The following NAF1 variants were observed in gnomAD, a reference collection of about 807,000 sequenced individuals.
The protein encoded by NAF1 is nuclear assembly factor 1 ribonucleoprotein, also known as H/ACA ribonucleoprotein complex non-core subunit NAF1.
A neutral mutation model predicts 40.6 loss-of-function variants in NAF1; 11 were observed. The observed-to-expected ratio is 0.27, with a 90% CI of 0.17 to 0.45. The LOEUF (loss-of-function observed/expected upper bound fraction) is 0.45, where lower values mean the gene tolerates loss of function less well. Among genes scored for constraint, NAF1 ranks in the 20% least tolerant of loss-of-function variants. The pLI, the probability that NAF1 is intolerant of heterozygous loss-of-function variation, is 1.00. For missense variants in NAF1, 607 were observed against 611.1 expected (o/e 0.99, Z 0.07); for synonymous variants, 260 against 228.5 (o/e 1.14, Z -1.24).
In NAF1 at chr4:163,129,236, G is replaced by T; in HGVS notation, c.1146C>A (p.Tyr382Ter). The change falls in exon 8 of 8, where the codon TAC (tyrosine) becomes TAA (stop). Residue 382 changes from tyrosine (Y) to a stop codon, truncating the protein, a stop_gained. Coordinates refer to ENST00000274054, the MANE Select transcript of NAF1 (RefSeq NM_138386.3). LOFTEE classifies it low-confidence loss of function (END_TRUNC). ...EFTRGFSRAR[Y>*]PRSCHGRPPP... ...GAGGCCTGCCATGGCAAGATCGAGG[G>T]TATCTGGCCCTGGAAAATCCTCGTG... The T allele has an allele frequency of 2.5e-6, 4 of 1,613,848 alleles. No individual in the cohort carries two copies. The highest frequency in any genetic ancestry group is 2.5e-6 in the Non-Finnish European group (3 of 1,179,770).
At chr4:163,149,914 G>A (rs1731628713) in intron 2 of NAF1, among the ~76,000 whole-genome samples, 1 of 152,088 alleles carries the variant, frequency 6.6e-6, no homozygotes, top group Non-Finnish European at 1.5e-5. Flanking sequence ...ATTTCAGAGG[G>A]CAATTGTGAG....
chr4:163,118,804 C>T (rs143472965), intron 2 of NAF1, among the ~76,000 whole-genome samples: 7 of 151,934 alleles, frequency 4.6e-5, no homozygotes, highest in South Asian at 2.1e-4. Context: ...GCATTTGTAA[C>T]GGTCATTGCT....
chr4:163,148,426 A>G lies in NAF1; in HGVS notation c.549T>C (p.Pro183=), dbSNP rs1398032517. The G allele has an allele frequency of 6.4e-7, 1 of 1,572,450 alleles. No homozygotes were observed. Among genetic ancestry groups the G allele is most frequent in the East Asian group, 2.3e-5 (1 of 43,754 alleles). ...GAATAATAGTGAGTTCTTCAACAGA[A>G]GGCAGTTCCTATAATTTAAAACAAA... is the stretch of plus-strand genomic sequence containing the variant. ...TKDELLLNEL[P]SVEELTIILP... Residue 183 remains proline, a synonymous_variant, in exon 3 of 8, where the codon CCT becomes CCC. Transcript: ENST00000274054.
At chr4:163,156,663 C>T (rs897120448) in intron 2 of NAF1, among the ~76,000 whole-genome samples, 1 of 152,074 alleles carries the variant, frequency 6.6e-6, no homozygotes, top group Non-Finnish European at 1.5e-5. Context: ...AACATATTCC[C>T]AGGCATTAAC....
intron 2 of NAF1, among the ~76,000 whole-genome samples, chr4:163,111,407 GTTC>G (rs1730155506): frequency 6.6e-6 from 1 of 152,036 alleles, no homozygotes; most frequent in African/African-American, 2.4e-5. Context: ...AATCCTTATT[GTTC>G]TTCTATTTTG....
chr4:163,111,900 C>T (rs567025968), intron 2 of NAF1, among the ~76,000 whole-genome samples: 4 of 152,134 alleles, frequency 2.6e-5, no homozygotes, highest in South Asian at 2.1e-4. Context: ...TTATCAATCA[C>T]GCAAAAAACG....
rs117437801 is a variant in NAF1, at chr4:163,136,997, C to A, written c.930+202G>T. On this transcript the variant is annotated intron_variant, in intron 6 of 7. Transcript: ENST00000274054. ...AATGTAACTGAAAAAAGTTTTTTTC[C>A]TAAATGATCAATCAAAACCTTTCAC... Among the ~76,000 whole-genome samples, 495 of 152,032 alleles carry A rather than the reference C, an allele frequency of 3.3e-3. 12 individuals carry two copies. In the East Asian group the frequency reaches 0.06, roughly 18 times the overall value.
chr4:163,157,117 A>G (rs969477507), intron 2 of NAF1: 19 of 152,116 alleles, frequency 1.2e-4, no homozygotes, highest in South Asian at 4.1e-4. Context: ...ACTAAAATTC[A>G]ACATACTAAA....
chr4:163,162,206 T>C (rs1579191615), intron 2 of NAF1, among the ~76,000 whole-genome samples: 2 of 152,186 alleles, frequency 1.3e-5, no homozygotes, highest in Non-Finnish European at 2.9e-5. Flanking sequence ...GGCAGACTCC[T>C]AAACACACTA....
intron 2 of NAF1, among the ~76,000 whole-genome samples, chr4:163,160,686 T>C (rs1245756971): frequency 6.6e-6 from 1 of 152,110 alleles, no homozygotes; most frequent in Non-Finnish European, 1.5e-5. Context: ...TGGTTGGACA[T>C]AAAATTGGGT....
At chr4:163,162,739 C>T (rs562599877) in intron 2 of NAF1, among the ~76,000 whole-genome samples, 1 of 152,018 alleles carries the variant, frequency 6.6e-6, no homozygotes, top group Admixed American at 6.6e-5. Flanking sequence ...ATATAAAATG[C>T]CTATTCACAC....
chr4:163,120,552 T>C (rs1180136456), intron 2 of NAF1, among the ~76,000 whole-genome samples: 1 of 152,196 alleles, frequency 6.6e-6, no homozygotes, highest in Non-Finnish European at 1.5e-5. Context: ...TTTATTCCCA[T>C]TTCACCTTTA....
downstream of NAF1, among the ~76,000 whole-genome samples, chr4:163,128,132 A>G (rs1468933523): frequency 6.6e-6 from 1 of 152,238 alleles, no homozygotes; most frequent in Non-Finnish European, 1.5e-5. Flanking sequence ...TAATTCAGAT[A>G]TTCAATAACT....
rs375323971 is a variant in NAF1 at position 163,164,233 on chromosome 4, T to A, written c.524A>T (p.Asp175Val). Residue 175 changes from aspartate to valine, a missense_variant, in exon 2 of 8, where the codon GAT becomes GTT. Asp to Val is a radical substitution (Grantham distance 152). Coordinates refer to ENST00000274054, the MANE Select transcript of NAF1 (RefSeq NM_138386.3). ...ENKNFPLKTK[D>V]ELLLNELPSV... The stretch of plus-strand genomic sequence containing the variant: ...AGTACTTACATTAAGAAGTAATTCA[T>A]CTTTTGTTTTAAGAGGAAAATTCTT... 1 of 1,548,826 alleles carries A rather than the reference T, an allele frequency of 6.5e-7. No individual in the cohort carries two copies. The highest frequency in any genetic ancestry group is 8.7e-7 in the Non-Finnish European group (1 of 1,151,526).
intron 2 of NAF1, among the ~76,000 whole-genome samples, chr4:163,149,106 G>A (rs1286462925): frequency 1.3e-5 from 2 of 152,102 alleles, no homozygotes; most frequent in East Asian, 1.9e-4. Flanking sequence ...CCTGCAAACT[G>A]CATCTCAGTT....
intron 3 of NAF1, 56 bp from the exon 4 acceptor site, chr4:163,145,920 A>T (rs1459476545): frequency 4.4e-6 from 4 of 913,160 alleles, no homozygotes; most frequent in Non-Finnish European, 6.6e-6. Flanking sequence ...GTAGAATTTT[A>T]ATGAAAATCT....
chr4:163,128,636 T>A, downstream of NAF1: 1 of 611,428 alleles, frequency 1.6e-6, no homozygotes, highest in Non-Finnish European at 2.1e-6. Flanking sequence ...TTTAACTGGG[T>A]GGGGTTGGGA....
chr4:163,106,769 TGA>T (rs753873901), downstream of NAF1, among the ~76,000 whole-genome samples: 11 of 152,302 alleles, frequency 7.2e-5, no homozygotes, highest in East Asian at 2.1e-3. Flanking sequence ...AAAAAAAACC[TGA>T]GTGTTAGATG....
chr4:163,109,160 C>CTT (rs11353573), downstream of NAF1, among the ~76,000 whole-genome samples: 1 of 134,840 alleles, frequency 7.4e-6, no homozygotes, highest in Non-Finnish European at 1.6e-5. Context: ...CCTTTTCACC[C>CTT]TTTTTTTTTT....
Sources: gnomAD v4.1 joint callset for allele counts (sites outside exome capture counted in the v4.1 genomes callset) on GRCh38, gnomAD v4.1.1 for gene constraint, MANE v1.5 for transcripts, NCBI Gene and HGNC (gene_info 2026-07-23, HGNC 2026-07-21) for gene names.